MRC1: variants seen among roughly 807,000 people sequenced by gnomAD.
MRC1 encodes the protein macrophage mannose receptor 1.
Under a neutral mutation model 102.9 loss-of-function variants are expected in MRC1, and 62 were observed. The ratio of observed to expected loss-of-function variants is 0.60; its 90% CI spans 0.49 to 0.74. The LOEUF (loss-of-function observed/expected upper bound fraction) is 0.74, where lower values mean the gene tolerates loss of function less well. MRC1 is among the 30% of genes least tolerant of loss of function. The pLI is 0.00. For synonymous variants in MRC1, 457 were observed against 298.4 expected, an observed-to-expected ratio of 1.53 and a Z score of -5.48; for missense variants, 1,237 against 862.8, an observed-to-expected ratio of 1.43 and a Z score of -5.43.
intron 22 of MRC1, among the ~76,000 whole-genome samples, chr10:17,891,131 T>TTTTA (rs879194856): frequency 0.14 from 18,525 of 134,902 alleles, 1,495 homozygotes; most frequent in African/African-American, 0.18. Flanking sequence ...GTATCACTAG[T>TTTTA]TTTATTTATT....
chr10:17,867,210 C>G (rs1372713301), intron 12 of MRC1, among the ~76,000 whole-genome samples: 6 of 149,572 alleles, frequency 4.0e-5, no homozygotes, highest in African/African-American at 1.5e-4. Flanking sequence ...GTCTTCCCTC[C>G]CTCCTCCTTC....
At chr10:17,903,461 T>TCTTG (rs1833857644) in intron 26 of MRC1, among the ~76,000 whole-genome samples, 2 of 139,586 alleles carry the variant, frequency 1.4e-5, no homozygotes, top group South Asian at 4.9e-4. Flanking sequence ...ATTGGTGCAA[T>TCTTG]CTTGGCTCAC....
At position 17,898,040 on chromosome 10, in the gene MRC1, C is replaced by T; in HGVS notation, c.3257C>T (p.Ser1086Phe). 1 of 780,792 alleles carries T rather than the reference C, an allele frequency of 1.3e-6. No individual in the cohort carries two copies. Among genetic ancestry groups the T allele is most frequent in the South Asian group, 1.3e-5 (1 of 74,612 alleles). The allele number at this position is 780,792 out of a possible 1,614,324, so 48.4% of individuals were successfully genotyped here. A position where few individuals can be genotyped will look rare whatever the true frequency, so the allele number is the denominator to read the frequency against. The change falls in exon 24 of 30, where the codon TCC becomes TTC. Residue 1086 changes from serine to phenylalanine, a missense_variant. By Grantham distance (155) the Ser-to-Phe change is radical (BLOSUM62 -2). Transcript: ENST00000569591. The stretch of plus-strand genomic sequence containing the variant: ...AAATAATGTTTTTATCTAGACCCTT[C>T]CTTGACTAATCCTCCAGCAACGATT... ...GYICQTRSDP[S>F]LTNPPATIQT...
At chr10:17,857,937 T>C (rs1372559010) in intron 9 of MRC1, among the ~76,000 whole-genome samples, 3 of 152,200 alleles carry the variant, frequency 2.0e-5, no homozygotes, top group African/African-American at 4.8e-5. Context: ...TCCTGACATA[T>C]ATAAATGTAA....
At chr10:17,838,428 G>A (rs1290346502) in intron 4 of MRC1, among the ~76,000 whole-genome samples, 8 of 152,126 alleles carry the variant, frequency 5.3e-5, no homozygotes, top group African/African-American at 1.7e-4. Context: ...CAGATTTGTG[G>A]CTCCGTATGT....
At chr10:17,904,011 T>G (rs1247129432) in intron 26 of MRC1, among the ~76,000 whole-genome samples, 1 of 152,172 alleles carries the variant, frequency 6.6e-6, no homozygotes, top group Non-Finnish European at 1.5e-5. Context: ...ATTTTAATAG[T>G]GTACAAAAAC....
rs1838887244 is a variant in MRC1 at position 17,849,849 on chromosome 10, A to T, written c.1249+85A>T. On this transcript the variant is annotated intron_variant, in intron 7 of 29. Coordinates refer to ENST00000569591, the MANE Select transcript of MRC1 (RefSeq NM_002438.4). ...CCAACTCTGGAAAATTCTATCATAA[A>T]CATCAAATTTAATCAATGTAAATCA... 12 of 656,780 alleles carry T rather than the reference A, an allele frequency of 1.8e-5. No homozygotes were observed. The Admixed American group carries it at 2.8e-4, about 15-fold the overall frequency. The allele number at this position is 656,780 out of a possible 1,614,324, so 40.7% of individuals were successfully genotyped here.
At chr10:17,872,262 G>A in intron 15 of MRC1, 136 bp downstream of exon 15, 1 of 759,470 alleles carries the variant, frequency 1.3e-6, no homozygotes, top group African/African-American at 1.7e-5. Context: ...TCATTGCATA[G>A]GATAAGCATG....
intron 3 of MRC1, among the ~76,000 whole-genome samples, chr10:17,832,317 G>A (rs1228332436): frequency 6.6e-6 from 1 of 151,128 alleles, no homozygotes; most frequent in Non-Finnish European, 1.5e-5. Flanking sequence ...TTCACTTTGG[G>A]AAGCCGAGGC....
chr10:17,845,564 A>G (rs1838814363), intron 6 of MRC1, 129 bp downstream of exon 6: 8 of 722,020 alleles, frequency 1.1e-5, no homozygotes, highest in Non-Finnish European at 1.8e-5. Context: ...AAACTTAATG[A>G]TATTACTGCA....
At chr10:17,903,792 A>C (rs1833861470) in intron 26 of MRC1, among the ~76,000 whole-genome samples, 1 of 151,966 alleles carries the variant, frequency 6.6e-6, no homozygotes, top group African/African-American at 2.4e-5. Flanking sequence ...TAATTTACAA[A>C]AATCTAGTTC....
chr10:17,830,039 C>A (rs975195187), intron 3 of MRC1, among the ~76,000 whole-genome samples: 1 of 151,380 alleles, frequency 6.6e-6, no homozygotes, highest in African/African-American at 2.5e-5. Context: ...TTTTAAATCA[C>A]GTTTTGTACA....
intron 5 of MRC1, chr10:17,845,012 C>G (rs1409296209): frequency 1.2e-5 from 8 of 677,574 alleles, no homozygotes; most frequent in African/African-American, 1.0e-4. Context: ...TAAGGTGTAG[C>G]TTTATTAGCT....
intron 23 of MRC1, among the ~76,000 whole-genome samples, chr10:17,894,553 C>T (rs1245228837): frequency 6.6e-6 from 1 of 151,810 alleles, no homozygotes; most frequent in Non-Finnish European, 1.5e-5. Context: ...GCACACACCA[C>T]CACGCCTGGC....
chr10:17,842,625 A>G (rs915454792), intron 5 of MRC1, among the ~76,000 whole-genome samples: 1 of 152,202 alleles, frequency 6.6e-6, no homozygotes, highest in Non-Finnish European at 1.5e-5. Context: ...AGAGAATACT[A>G]GTTGGCCTCA....
At chr10:17,850,008 T>C (rs1838889579) in intron 7 of MRC1, among the ~76,000 whole-genome samples, 2 of 152,142 alleles carry the variant, frequency 1.3e-5, no homozygotes, top group African/African-American at 4.8e-5. Flanking sequence ...GTGTAATCCA[T>C]TTATGGGTAG....
chr10:17,811,664 A>G (rs1453381597), intron 1 of MRC1, among the ~76,000 whole-genome samples: 4 of 152,052 alleles, frequency 2.6e-5, no homozygotes, highest in African/African-American at 4.8e-5. Context: ...GGCTCATGCA[A>G]TCCTCCCACC....
At chr10:17,879,594 C>G in intron 18 of MRC1, 127 bp from the exon 19 acceptor site, 4 of 777,786 alleles carry the variant, frequency 5.1e-6, no homozygotes, top group South Asian at 4.1e-5. Context: ...AACTCCTGGC[C>G]TCAGGTGATC....
chr10:17,822,350 G>A (rs1158617987), intron 1 of MRC1, among the ~76,000 whole-genome samples: 8 of 152,194 alleles, frequency 5.3e-5, no homozygotes, highest in African/African-American at 1.4e-4. Context: ...TAGTCTGGGC[G>A]AGGTGGCTCC....
Sources: allele counts gnomAD v4.1 joint callset (sites outside exome capture counted in the v4.1 genomes callset), GRCh38; gene constraint gnomAD v4.1.1; transcripts MANE v1.5; gene names NCBI Gene and HGNC (gene_info 2026-07-23, HGNC 2026-07-21).